OSBPL9: variants seen among roughly 807,000 people sequenced by gnomAD.
The protein encoded by OSBPL9 is oxysterol-binding protein-related protein 9.
OSBPL9 carries 40 observed loss-of-function variants against 106.6 expected under a neutral mutation model. That is an observed-to-expected ratio of 0.38 (90% CI 0.29 to 0.49). The LOEUF is 0.49. Among genes scored for constraint, OSBPL9 ranks in the 20% least tolerant of loss-of-function variants. The pLI is 0.97. For synonymous variants in OSBPL9, 269 were observed against 295.4 expected, an observed-to-expected ratio of 0.91 and a Z score of 0.92; for missense variants, 609 against 887.2, an observed-to-expected ratio of 0.69 and a Z score of 3.98.
At chr1:51,750,234 GT>G (rs1316042138) in intron 8 of OSBPL9, 39 bp downstream of exon 8, 2 of 1,482,112 alleles carry the variant, frequency 1.3e-6, no homozygotes, top group Non-Finnish European at 1.8e-6. Context: ...TGTGTATGGA[GT>G]TCAAAAATTA....
chr1:51,661,493 G>A (rs1647147863), intron 2 of OSBPL9, among the ~76,000 whole-genome samples: 1 of 152,060 alleles, frequency 6.6e-6, no homozygotes, highest in Non-Finnish European at 1.5e-5. Context: ...GTTTCTTTTT[G>A]GTGCCTTGAT....
intron 1 of OSBPL9, among the ~76,000 whole-genome samples, chr1:51,633,039 C>G (rs573605217): frequency 6.6e-6 from 1 of 152,136 alleles, no homozygotes; most frequent in East Asian, 2.0e-4. Context: ...TCACTGCAAC[C>G]TCCACCTCCT....
intron 5 of OSBPL9, among the ~76,000 whole-genome samples, chr1:51,746,024 C>T (rs1276581059): frequency 1.3e-5 from 2 of 152,036 alleles, no homozygotes; most frequent in South Asian, 2.1e-4. Flanking sequence ...TGCAGTGGCA[C>T]GATCTCAGCT....
At chr1:51,721,040 C>A (rs1320760815) in intron 4 of OSBPL9, among the ~76,000 whole-genome samples, 1 of 151,944 alleles carries the variant, frequency 6.6e-6, no homozygotes, top group African/African-American at 2.4e-5. Flanking sequence ...CTCAAGTGAT[C>A]CACCTGCCTC....
chr1:51,601,001 CGGTT>C (rs1645323384), intron 2 of OSBPL9, among the ~76,000 whole-genome samples: 1 of 152,146 alleles, frequency 6.6e-6, no homozygotes, highest in African/African-American at 2.4e-5. Flanking sequence ...TTATGTGGAT[CGGTT>C]GGTTAGCATG....
chr1:51,636,114 T>G (rs1645421501), intron 1 of OSBPL9, among the ~76,000 whole-genome samples: 1 of 139,572 alleles, frequency 7.2e-6, no homozygotes, highest in Non-Finnish European at 1.6e-5. Context: ...GTGTATCCTT[T>G]CTAAAATCAA....
the OSBPL9 span, among the ~76,000 whole-genome samples, chr1:51,548,528 T>C: frequency 6.6e-6 from 1 of 151,848 alleles, no homozygotes; most frequent in African/African-American, 2.4e-5. Context: ...TAGCTGGGAC[T>C]ACAAACATGC....
At chr1:51,783,592 T>A (rs1350964603) in intron 17 of OSBPL9, among the ~76,000 whole-genome samples, 2 of 152,204 alleles carry the variant, frequency 1.3e-5, no homozygotes, top group African/African-American at 4.8e-5. Context: ...TAGTGCAGTA[T>A]TAAAACTGGA....
intron 12 of OSBPL9, among the ~76,000 whole-genome samples, chr1:51,766,350 T>C (rs1672552189): frequency 6.6e-6 from 1 of 152,206 alleles, no homozygotes; most frequent in Non-Finnish European, 1.5e-5. Context: ...TGAAGCATTA[T>C]ACAAATAAGA....
chr1:51,671,919 C>A (rs1649969502), intron 3 of OSBPL9, among the ~76,000 whole-genome samples: 1 of 152,052 alleles, frequency 6.6e-6, no homozygotes, highest in South Asian at 2.1e-4. Flanking sequence ...CCAACACAGT[C>A]ATATACTTTG....
At chr1:51,771,977 GCATGCATGTAAC>G (rs1674007613) in intron 12 of OSBPL9, 81 bp from the exon 13 acceptor site, 1 of 802,102 alleles carries the variant, frequency 1.2e-6, no homozygotes, top group Non-Finnish European at 2.0e-6. Context: ...GCATATATAT[GCATGCATGTAAC>G]CAGCTAACTG....
chr1:51,588,098 T>C (rs1267098524), intron 1 of OSBPL9, among the ~76,000 whole-genome samples: 1 of 152,082 alleles, frequency 6.6e-6, no homozygotes, highest in East Asian at 1.9e-4. Context: ...CAGAAAAAAA[T>C]TCGGCCAAGC....
At chr1:51,759,073 C>T (rs980095197) in intron 9 of OSBPL9, among the ~76,000 whole-genome samples, 2 of 151,584 alleles carry the variant, frequency 1.3e-5, no homozygotes, top group Non-Finnish European at 2.9e-5. Context: ...TTGCTTTTCT[C>T]AGTGCTTCAA....
chr1:51,547,885 T>C, the OSBPL9 span, among the ~76,000 whole-genome samples: 9 of 151,572 alleles, frequency 5.9e-5, no homozygotes, highest in South Asian at 2.1e-4. Context: ...AAATAAAATT[T>C]AGAAGTGACA....
chr1:51,694,716 C>A (rs769334978), intron 3 of OSBPL9, among the ~76,000 whole-genome samples: 3 of 152,100 alleles, frequency 2.0e-5, no homozygotes, highest in Admixed American at 6.6e-5. Flanking sequence ...AATATTGACA[C>A]ATTTCATTTT....
At chr1:51,608,980 C>T (rs1643967596) in intron 2 of OSBPL9, among the ~76,000 whole-genome samples, 1 of 151,906 alleles carries the variant, frequency 6.6e-6, no homozygotes, top group Non-Finnish European at 1.5e-5. Context: ...CTTCACAGAG[C>T]CCTTCCCTCT....
At chr1:51,710,135 A>C (rs942557180) in intron 3 of OSBPL9, among the ~76,000 whole-genome samples, 1 of 152,174 alleles carries the variant, frequency 6.6e-6, no homozygotes, top group Admixed American at 6.5e-5. Flanking sequence ...ACCTGATTCC[A>C]TGTATTGATT....
At chr1:51,606,335 CTG>C (rs554680660) in intron 2 of OSBPL9, among the ~76,000 whole-genome samples, 20 of 152,364 alleles carry the variant, frequency 1.3e-4, no homozygotes, top group Admixed American at 1.1e-3. Flanking sequence ...AGACTGATCT[CTG>C]TATCTTCAGC....
intron 2 of OSBPL9, among the ~76,000 whole-genome samples, chr1:51,599,525 T>C (rs916885740): frequency 2.0e-5 from 3 of 152,142 alleles, no homozygotes; most frequent in Non-Finnish European, 4.4e-5. Context: ...TATTACTTTT[T>C]AGAATATCAT....
Sources: gnomAD v4.1 joint callset for allele counts (sites outside exome capture counted in the v4.1 genomes callset) on GRCh38, gnomAD v4.1.1 for gene constraint, MANE v1.5 for transcripts, NCBI Gene and HGNC (gene_info 2026-07-23, HGNC 2026-07-21) for gene names.